Variants in L3MBTL2 observed in about 807,000 individuals in gnomAD.
L3MBTL2 encodes the protein L3MBTL histone methyl-lysine binding protein 2, also known as lethal(3)malignant brain tumor-like protein 2.
L3MBTL2 carries 49 observed loss-of-function variants against 86.4 expected under a neutral mutation model. The observed-to-expected ratio is 0.57, with a 90% confidence interval of 0.45 to 0.72. The LOEUF (loss-of-function observed/expected upper bound fraction) is 0.72, where lower values mean the gene tolerates loss of function less well. Among genes scored for constraint, L3MBTL2 ranks in the 30% least tolerant of loss-of-function variants. L3MBTL2 has a pLI of 0.00. For synonymous variants in L3MBTL2, 336 were observed against 350.6 expected (o/e 0.96, Z 0.47); for missense variants, 755 against 923.7 (o/e 0.82, Z 2.37).
rs1601545679 is a variant in L3MBTL2, at chr22:41,229,830, CTG to C, written c.2005+177_2005+178del. On this transcript the variant is annotated intron_variant, in intron 16 of 16. Transcript: ENST00000216237. Reference sequence around the variant, plus strand: ...GGGTGTTTCCCAGACACGCCCCCAACTGTGAATGGAGCTGAGTCCCCCTCTAG... The same window carrying C: ...GGGTGTTTCCCAGACACGCCCCCAACTGAATGGAGCTGAGTCCCCCTCTAG... 2.7e-6 allele frequency: 3 copies of C among 1,103,718 alleles called. No homozygotes were observed. The East Asian group carries it at 7.7e-5, about 28-fold the overall frequency. The allele number at this position is 1,103,718 out of a possible 1,614,324, so 68.4% of individuals were successfully genotyped here.
At position 41,205,479 on chromosome 22, in the gene L3MBTL2, G is replaced by A. The variant is rs750796852; in HGVS notation, c.24+93G>A. 6.3e-5 allele frequency: 89 copies of A among 1,402,882 alleles called. 1 individual carries two copies. The highest frequency in any genetic ancestry group is 8.6e-5 in the Non-Finnish European group (85 of 987,878). The allele number at this position is 1,402,882 out of a possible 1,614,324, so 86.9% of individuals were successfully genotyped here. On this transcript the variant is annotated intron_variant, in intron 1 of 16. Coordinates refer to ENST00000216237, the MANE Select transcript of L3MBTL2 (RefSeq NM_031488.5). Reference sequence around the variant, plus strand: ...TTTAGGGCTTTTAGCGACGCCTGGAGGGTGGAGGGTGGGAGGATGGATAAA... The same window carrying A: ...TTTAGGGCTTTTAGCGACGCCTGGAAGGTGGAGGGTGGGAGGATGGATAAA...
At chr22:41,226,956 A>T in intron 13 of L3MBTL2, 133 bp from the exon 14 acceptor site, 1 of 813,392 alleles carries the variant, frequency 1.2e-6, no homozygotes, top group Admixed American at 2.3e-5. Context: ...GTTATTGTCT[A>T]GAGGAAGCTG....
At position 41,209,749 on chromosome 22, in the gene L3MBTL2, G is replaced by C; in HGVS notation, c.78G>C (p.Leu26=). 6.2e-7 allele frequency: 1 copy of C among 1,614,206 alleles called. No individual in the cohort carries two copies. The highest frequency in any genetic ancestry group is 8.5e-7 in the Non-Finnish European group (1 of 1,180,028). ...AAGAGGAAGATGACGACTTGGAGCT[G>C]TTTGGTGGCTATGATAGTTTCCGGA... ...MEEEEDDDLE[L]FGGYDSFRSY... Residue 26 remains leucine (L), a synonymous_variant, in exon 2 of 17, where the codon CTG becomes CTC. Transcript: ENST00000216237.
chr22:41,223,997 C>G, intron 8 of L3MBTL2, 23 bp from the exon 9 acceptor site: 1 of 1,588,948 alleles, frequency 6.3e-7, no homozygotes, highest in Non-Finnish European at 8.6e-7. Flanking sequence ...CCATAGCAGG[C>G]CTGTGTTCTG....
intron 6 of L3MBTL2, among the ~76,000 whole-genome samples, 180 bp downstream of exon 6, chr22:41,219,716 G>A (rs1449994284): frequency 6.6e-6 from 1 of 152,100 alleles, no homozygotes; most frequent in Admixed American, 6.6e-5. Context: ...GGCAGGCTTG[G>A]AAACCCCAAA....
At chr22:41,228,255 C>G in intron 15 of L3MBTL2, 1 of 985,476 alleles carries the variant, frequency 1.0e-6, no homozygotes, top group Non-Finnish European at 1.2e-6. Flanking sequence ...AGCTGTCTCT[C>G]CAAGGCTGTC....
intron 5 of L3MBTL2, 49 bp from the exon 6 acceptor site, chr22:41,219,368 CCT>C (rs763232283): frequency 7.2e-7 from 1 of 1,390,054 alleles, no homozygotes; most frequent in Admixed American, 1.7e-5. Context: ...GTCTGTCTCC[CCT>C]GCTAGCACAG....
chr22:41,228,558 T>C (rs2032351634), intron 15 of L3MBTL2: 1 of 983,810 alleles, frequency 1.0e-6, no homozygotes, highest in Non-Finnish European at 1.2e-6. Flanking sequence ...AGGGTTAAGA[T>C]TGAGTGAGGC....
In L3MBTL2 at chr22:41,219,436, G is replaced by C; in HGVS notation, c.618G>C (p.Gln206His). 1 of 1,613,512 alleles carries C rather than the reference G, an allele frequency of 6.2e-7. No individual in the cohort carries two copies. The highest frequency in any genetic ancestry group is 8.5e-7 in the Non-Finnish European group (1 of 1,179,492). The change falls in exon 6 of 17, where the codon CAG (glutamine) becomes CAC (histidine). Residue 206 changes from glutamine to histidine, a missense_variant. By Grantham distance (24) the Gln-to-His change is conservative. Coordinates refer to ENST00000216237, the MANE Select transcript of L3MBTL2 (RefSeq NM_031488.5). ...SCFKHVPLYD[Q>H]WEDVMKGMKV... is the part of the protein sequence containing the mutation. ...CCACACAGGTCCCACTCTATGACCA[G>C]TGGGAGGATGTGATGAAAGGGATGA...
chr22:41,221,100 C>T (rs1001265233), intron 7 of L3MBTL2, 99 bp from the exon 8 acceptor site: 12 of 1,099,262 alleles, frequency 1.1e-5, no homozygotes, highest in Non-Finnish European at 1.6e-5. Context: ...ATTTTCAGTC[C>T]CCACTGCTGA....
chr22:41,230,040 C>T, intron 16 of L3MBTL2, 99 bp from the exon 17 acceptor site: 1 of 860,160 alleles, frequency 1.2e-6, no homozygotes. Context: ...ATCCTAGGCC[C>T]CCATCTGTAG....
At chr22:41,206,873 T>C (rs536911011) in intron 1 of L3MBTL2, among the ~76,000 whole-genome samples, 81 of 152,156 alleles carry the variant, frequency 5.3e-4, no homozygotes, top group African/African-American at 1.9e-3. Context: ...TAAGGTGGAA[T>C]AGCTCAAACT....
chr22:41,226,717 A>G lies in L3MBTL2; in HGVS notation c.1560A>G (p.Lys520=), dbSNP rs762211982. The G allele has an allele frequency of 3.7e-6, 6 of 1,613,898 alleles. No homozygotes were observed. The African/African-American group carries it at 4.0e-5, about 11-fold the overall frequency. Residue 520 remains lysine, a synonymous_variant, in exon 13 of 17, where the codon AAA becomes AAG. Coordinates refer to ENST00000216237, the MANE Select transcript of L3MBTL2 (RefSeq NM_031488.5). ...WENYLEKTKS[K]AAPSRLFNMD... ...ACTACTTGGAGAAGACCAAGTCGAA[A>G]GCCGCTCCATCGAGACTCTTTAACA... is the stretch of plus-strand genomic sequence containing the variant.
chr22:41,225,917 G>A lies in L3MBTL2; in HGVS notation c.1480G>A (p.Asp494Asn). ...CCCGGCCACCTTCTGTCAGAAGAAT[G>A]ACATTGAGCTCACACCGCCAAAAGG... is the stretch of plus-strand genomic sequence containing the variant. ...IFPATFCQKNDIELTPPKGYE... is the reference protein window; with the variant it reads ...IFPATFCQKNNIELTPPKGYE... The change falls in exon 12 of 17, where the codon GAC (aspartate) becomes AAC (asparagine). Residue 494 changes from aspartate (D) to asparagine (N), a missense_variant. Transcript: ENST00000216237. The surrounding 1 kb of genome is among the most constrained non-coding windows in gnomAD (Gnocchi z 4.1). The A allele has an allele frequency of 1.2e-6, 2 of 1,614,076 alleles. No individual in the cohort carries two copies. Among genetic ancestry groups the A allele is most frequent in the Non-Finnish European group, 1.7e-6 (2 of 1,180,018 alleles).
At chr22:41,229,268 T>C (rs908838747) in intron 15 of L3MBTL2, among the ~76,000 whole-genome samples, 2 of 152,144 alleles carry the variant, frequency 1.3e-5, no homozygotes, top group African/African-American at 4.8e-5. Context: ...AAAATCTTTT[T>C]ATTTAAAAAA....
intron 2 of L3MBTL2, among the ~76,000 whole-genome samples, chr22:41,213,459 T>TC (rs2031078841): frequency 3.4e-5 from 1 of 29,550 alleles, no homozygotes; most frequent in Non-Finnish European, 9.1e-5. Flanking sequence ...CACCTGGCCT[T>TC]TTTTTTTTTT....
chr22:41,211,484 C>G (rs954337421), intron 2 of L3MBTL2, among the ~76,000 whole-genome samples: 2 of 151,818 alleles, frequency 1.3e-5, no homozygotes, highest in Non-Finnish European at 2.9e-5. Flanking sequence ...GGATTACAGG[C>G]ATGAGCCACC....
intron 15 of L3MBTL2, 51 bp from the exon 16 acceptor site, chr22:41,229,489 C>G (rs984071222): frequency 6.3e-7 from 1 of 1,581,750 alleles, no homozygotes; most frequent in Admixed American, 1.7e-5. Context: ...CCCATAAAGC[C>G]TTACCTAAAT....
Position 41,224,222 on chromosome 22 carries a change from G to A in L3MBTL2, c.1145G>A (p.Arg382Gln), listed in dbSNP as rs368347054. ...SPLIHPVGWS[R>Q]RVGHGIKMSE... ...CTGATCCACCCAGTGGGTTGGTCAC[G>A]ACGTGTGGGCCACGGCATCAAGATG... The change falls in exon 9 of 17, where the codon CGA becomes CAA. Residue 382 changes from arginine to glutamine, a missense_variant. By Grantham distance (43) the Arg-to-Gln change is conservative. Transcript: ENST00000216237. This position sits in a 1 kb window ranked among gnomAD's most constrained non-coding sequence, Gnocchi z 4.9. 49 of 1,613,026 alleles carry A rather than the reference G, an allele frequency of 3.0e-5. No homozygotes were observed. In the African/African-American group the frequency reaches 4.7e-4, roughly 15 times the overall value.
Sources: allele counts gnomAD v4.1 joint callset (sites outside exome capture counted in the v4.1 genomes callset), GRCh38; gene constraint gnomAD v4.1.1; non-coding constraint Gnocchi (gnomAD v3.1); transcripts MANE v1.5; gene names NCBI Gene and HGNC (gene_info 2026-07-23, HGNC 2026-07-21).